SHISA9: variants seen among roughly 807,000 people sequenced by gnomAD.
SHISA9 encodes the protein protein shisa-9.
A neutral mutation model predicts 38.0 loss-of-function variants in SHISA9; 13 were observed. The ratio of observed to expected loss-of-function variants is 0.34; its 90% CI spans 0.22 to 0.54. The LOEUF (loss-of-function observed/expected upper bound fraction) is 0.54, where lower values mean the gene tolerates loss of function less well. Ranked by LOEUF, SHISA9 falls within the 20% of genes least tolerant of loss-of-function variation. SHISA9 has a pLI of 0.91. For missense variants in SHISA9, 538 were observed against 575.8 expected (o/e 0.93, Z 0.67); for synonymous variants, 275 against 242.0 (o/e 1.14, Z -1.27).
chr16:13,527,400 A>G, the SHISA9 span, among the ~76,000 whole-genome samples: 129 of 152,330 alleles, frequency 8.5e-4, no homozygotes, highest in African/African-American at 2.9e-3. Flanking sequence ...AAAATGCACA[A>G]GATTTAGTCA....
At chr16:12,914,910 G>A (rs1219416850) in intron 1 of SHISA9, among the ~76,000 whole-genome samples, 1 of 152,198 alleles carries the variant, frequency 6.6e-6, no homozygotes, top group Non-Finnish European at 1.5e-5. Context: ...CACTGACACC[G>A]TTGATAGGTG....
chr16:13,249,320 C>G, the SHISA9 span, among the ~76,000 whole-genome samples: 1 of 152,194 alleles, frequency 6.6e-6, no homozygotes, highest in South Asian at 2.1e-4. Context: ...AAGATAAAAT[C>G]TCAGCCTAAC....
In SHISA9 at chr16:13,203,555, T is replaced by G; in HGVS notation, c.847+6T>G. ...CGCCTCCTTAAAGGCAGTCGGTAAGTGCCACCTGATGGATCTTTTTCTCTT... is the reference window on the plus strand; with the variant it reads ...CGCCTCCTTAAAGGCAGTCGGTAAGGGCCACCTGATGGATCTTTTTCTCTT... On this transcript the variant is annotated splice_donor_region_variant and intron_variant, in intron 3 of 4. Coordinates refer to ENST00000558583, the MANE Select transcript of SHISA9 (RefSeq NM_001145204.3). 1 of 1,504,378 alleles carries G rather than the reference T, an allele frequency of 6.6e-7. No homozygotes were observed. The highest frequency in any genetic ancestry group is 8.9e-7 in the Non-Finnish European group (1 of 1,125,422). The allele number at this position is 1,504,378 out of a possible 1,614,324, so 93.2% of individuals were successfully genotyped here.
intron 2 of SHISA9, among the ~76,000 whole-genome samples, chr16:13,184,493 G>A (rs1298808317): frequency 6.6e-6 from 1 of 152,170 alleles, no homozygotes; most frequent in Non-Finnish European, 1.5e-5. Flanking sequence ...TTTACATACA[G>A]TAAAATTCAT....
chr16:13,096,851 C>T (rs1271365353), intron 2 of SHISA9, among the ~76,000 whole-genome samples: 3 of 152,070 alleles, frequency 2.0e-5, no homozygotes, highest in Non-Finnish European at 4.4e-5. Context: ...TTCCCTGAGA[C>T]TTACTCATGG....
chr16:13,060,181 G>A (rs191479049), intron 2 of SHISA9, among the ~76,000 whole-genome samples: 2 of 152,042 alleles, frequency 1.3e-5, no homozygotes, highest in Non-Finnish European at 2.9e-5. Flanking sequence ...CTCTCAATGC[G>A]CCCCGATGTG....
At chr16:13,345,782 T>C in the SHISA9 span, among the ~76,000 whole-genome samples, 4 of 152,208 alleles carry the variant, frequency 2.6e-5, no homozygotes, top group Admixed American at 6.5e-5. Context: ...GACTTTTTAA[T>C]AATAGCCATT....
chr16:13,494,652 G>A, the SHISA9 span, among the ~76,000 whole-genome samples: 2 of 152,016 alleles, frequency 1.3e-5, no homozygotes, highest in South Asian at 4.2e-4. Context: ...ATGGTTAAAT[G>A]AATTGAGATA....
At chr16:13,434,044 C>G in the SHISA9 span, among the ~76,000 whole-genome samples, 1 of 152,144 alleles carries the variant, frequency 6.6e-6, no homozygotes, top group Non-Finnish European at 1.5e-5. Context: ...GTCCCAAAAC[C>G]TCAAAAGTAG....
At position 13,083,341 on chromosome 16, in the gene SHISA9, C is replaced by T. The variant is rs573019113; in HGVS notation, c.692-120053C>T. Among the ~76,000 whole-genome samples, 45 of 152,190 alleles carry T rather than the reference C, an allele frequency of 3.0e-4. 2 individuals carry two copies. In the South Asian group the frequency reaches 9.1e-3, roughly 31 times the overall value. ...ATGATCATAGAAGTGCATCATTGTG[C>T]GAATAGTTGTAGGCGTTCCATGAGA... On this transcript the variant is annotated intron_variant, in intron 2 of 4. Coordinates refer to ENST00000558583, the MANE Select transcript of SHISA9 (RefSeq NM_001145204.3).
the SHISA9 span, among the ~76,000 whole-genome samples, chr16:13,262,259 A>G: frequency 6.6e-6 from 1 of 152,196 alleles, no homozygotes; most frequent in African/African-American, 2.4e-5. Flanking sequence ...TACCAGCCAG[A>G]AACTGATGAG....
At chr16:13,079,518 T>G (rs538292581) in intron 2 of SHISA9, among the ~76,000 whole-genome samples, 1 of 152,330 alleles carries the variant, frequency 6.6e-6, no homozygotes, top group African/African-American at 2.4e-5. Context: ...CGCTGTGCAA[T>G]TAGCAAATTA....
chr16:13,003,981 G>A (rs186287904), intron 2 of SHISA9, among the ~76,000 whole-genome samples: 4 of 152,300 alleles, frequency 2.6e-5, no homozygotes, highest in Admixed American at 2.0e-4. Context: ...TGTTGGGGGT[G>A]CTTTCTTTAC....
intron 2 of SHISA9, among the ~76,000 whole-genome samples, chr16:13,083,965 A>G (rs1449560346): frequency 6.6e-6 from 1 of 152,194 alleles, no homozygotes; most frequent in African/African-American, 2.4e-5. Flanking sequence ...ACTCTAGTTT[A>G]TAGACCGGAG....
chr16:13,271,766 C>T, the SHISA9 span, among the ~76,000 whole-genome samples: 2 of 151,860 alleles, frequency 1.3e-5, no homozygotes, highest in Non-Finnish European at 2.9e-5. Flanking sequence ...GATGAGGGAT[C>T]TTATGGGGGG....
intron 2 of SHISA9, among the ~76,000 whole-genome samples, chr16:12,984,826 A>T: frequency 6.6e-6 from 1 of 152,098 alleles, no homozygotes; most frequent in South Asian, 2.1e-4. Context: ...TGCTGGAGCC[A>T]CCCTATATGG....
rs1171840796 is a variant in SHISA9, at chr16:13,238,396, CA to C, written c.*2990del. On this transcript the variant is annotated 3_prime_UTR_variant, in exon 5 of 5. Coordinates refer to ENST00000558583, the MANE Select transcript of SHISA9 (RefSeq NM_001145204.3). ...CTTATCTGTGAGGCTCTTTCCAGCT[CA>C]AAGTTTCCATAATTCTTATCTCCCT... The C allele has an allele frequency of 1.3e-5, 2 of 152,206 alleles. No individual in the cohort carries two copies. Among genetic ancestry groups the C allele is most frequent in the Non-Finnish European group, 2.9e-5 (2 of 68,046 alleles). The allele number at this position is 152,206 out of a possible 1,614,324, so 9.4% of individuals were successfully genotyped here.
At chr16:13,410,070 C>G in the SHISA9 span, among the ~76,000 whole-genome samples, 2 of 152,204 alleles carry the variant, frequency 1.3e-5, no homozygotes, top group Admixed American at 1.3e-4. Context: ...TGGGATCTCC[C>G]ATAGAACTTT....
intron 2 of SHISA9, among the ~76,000 whole-genome samples, chr16:13,117,575 C>T (rs1276625281): frequency 6.6e-6 from 1 of 152,110 alleles, no homozygotes; most frequent in Non-Finnish European, 1.5e-5. Flanking sequence ...AACAGACACG[C>T]AGAAGAGAGA....
Sources: allele counts gnomAD v4.1 joint callset (sites outside exome capture counted in the v4.1 genomes callset), GRCh38; gene constraint gnomAD v4.1.1; transcripts MANE v1.5; gene names NCBI Gene and HGNC (gene_info 2026-07-23, HGNC 2026-07-21).